The following ARHGAP39 variants were observed in gnomAD, a reference collection of about 807,000 sequenced individuals.
ARHGAP39 encodes the protein Rho GTPase activating protein 39.
ARHGAP39 carries 44 observed loss-of-function variants against 106.9 expected under a neutral mutation model. That is an observed-to-expected ratio of 0.41 (90% CI 0.32 to 0.53). The LOEUF (loss-of-function observed/expected upper bound fraction) is 0.53. ARHGAP39 is among the 20% of genes least tolerant of loss of function. ARHGAP39 has a pLI of 0.21. For synonymous variants in ARHGAP39, 768 were observed against 693.2 expected, an observed-to-expected ratio of 1.11 and a Z score of -1.69; for missense variants, 1,496 against 1,577.3, an observed-to-expected ratio of 0.95 and a Z score of 0.87.
At chr8:144,572,212 C>T (rs1311485910) in intron 3 of ARHGAP39, among the ~76,000 whole-genome samples, 2 of 152,178 alleles carry the variant, frequency 1.3e-5, no homozygotes, top group African/African-American at 2.4e-5. Flanking sequence ...CATCATGCTG[C>T]CTGACTTCAA....
the ARHGAP39 span, among the ~76,000 whole-genome samples, chr8:144,698,015 C>CT: frequency 1.9e-4 from 29 of 152,242 alleles, no homozygotes; most frequent in Non-Finnish European, 3.7e-4. Flanking sequence ...TTAAGCTTCG[C>CT]TATGGTTTGG....
chr8:144,619,446 G>A (rs1262694497), intron 1 of ARHGAP39, among the ~76,000 whole-genome samples: 1 of 151,852 alleles, frequency 6.6e-6, no homozygotes, highest in Non-Finnish European at 1.5e-5. Context: ...GAGACAGCAG[G>A]TATGCTCGTG....
chr8:144,623,643 A>G (rs1820862349), intron 1 of ARHGAP39, among the ~76,000 whole-genome samples: 1 of 152,236 alleles, frequency 6.6e-6, no homozygotes, highest in Non-Finnish European at 1.5e-5. Flanking sequence ...TGGTACAAGA[A>G]GCCTTGCTTT....
At chr8:144,649,664 G>T (rs1821529231) in intron 1 of ARHGAP39, among the ~76,000 whole-genome samples, 1 of 152,056 alleles carries the variant, frequency 6.6e-6, no homozygotes, top group Admixed American at 6.5e-5. Context: ...TAGCTACTCG[G>T]GAGGCTGAAG....
At chr8:144,663,634 C>T (rs1360573086) in intron 1 of ARHGAP39, among the ~76,000 whole-genome samples, 2 of 152,150 alleles carry the variant, frequency 1.3e-5, no homozygotes, top group East Asian at 3.9e-4. Context: ...CCACGCTCAG[C>T]CCCAGGTACC....
chr8:144,673,077 C>T (rs1822139971), intron 1 of ARHGAP39, among the ~76,000 whole-genome samples: 1 of 152,102 alleles, frequency 6.6e-6, no homozygotes, highest in Non-Finnish European at 1.5e-5. Flanking sequence ...ATTAGCTGGG[C>T]ATGGTGACAT....
chr8:144,640,092 C>T (rs1256413669), intron 1 of ARHGAP39, among the ~76,000 whole-genome samples: 1 of 152,174 alleles, frequency 6.6e-6, no homozygotes, highest in African/African-American at 2.4e-5. Flanking sequence ...AAAACCATTT[C>T]TGCCAAAAGC....
chr8:144,673,988 T>A (rs1490101457), intron 1 of ARHGAP39, among the ~76,000 whole-genome samples: 1 of 152,174 alleles, frequency 6.6e-6, no homozygotes, highest in Non-Finnish European at 1.5e-5. Flanking sequence ...TGCAGTGGCA[T>A]CCAGAAGCTT....
intron 3 of ARHGAP39, among the ~76,000 whole-genome samples, chr8:144,574,181 A>AGACGAG (rs112840672): frequency 0.05 from 7,446 of 147,998 alleles, 369 homozygotes; most frequent in African/African-American, 0.12. Flanking sequence ...AAGAAGATGA[A>AGACGAG]GATGAGGAGG....
In ARHGAP39 at chr8:144,557,004, G is replaced by C. The variant is rs1052573921; in HGVS notation, c.513-1361C>G. Among the ~76,000 whole-genome samples, 6 of 142,748 alleles carry C rather than the reference G, an allele frequency of 4.2e-5. 1 individual carries two copies. Among genetic ancestry groups the C allele is most frequent in the South Asian group, 2.1e-4 (1 of 4,694 alleles). 93.6% of individuals were successfully genotyped at this position (142,748 alleles called of 152,430 possible). On this transcript the variant is annotated intron_variant, in intron 3 of 11. Transcript: ENST00000377307. The stretch of plus-strand genomic sequence containing the variant: ...ACCTTCATAGTATTCAGAGGCAAAG[G>C]CTGAACCTTCATAGTATTCAGTGGC...
At chr8:144,642,600 T>G (rs942445538) in intron 1 of ARHGAP39, among the ~76,000 whole-genome samples, 1 of 152,084 alleles carries the variant, frequency 6.6e-6, no homozygotes, top group Non-Finnish European at 1.5e-5. Flanking sequence ...CCACGTGTCA[T>G]GAGAGGGACC....
upstream of ARHGAP39, among the ~76,000 whole-genome samples, chr8:144,685,932 C>T (rs1323087035): frequency 6.6e-6 from 1 of 150,594 alleles, no homozygotes; most frequent in African/African-American, 2.4e-5. Flanking sequence ...CGCCAGGGGG[C>T]ACTGCCTCGC....
intron 3 of ARHGAP39, among the ~76,000 whole-genome samples, chr8:144,575,564 C>A (rs1027900196): frequency 1.3e-5 from 2 of 152,196 alleles, no homozygotes; most frequent in Non-Finnish European, 1.5e-5. Context: ...CCCATTGCCA[C>A]ATGGTGTCCT....
intron 2 of ARHGAP39, among the ~76,000 whole-genome samples, chr8:144,597,421 G>A (rs571083588): frequency 3.9e-5 from 6 of 152,276 alleles, no homozygotes; most frequent in African/African-American, 1.4e-4. Context: ...TGAATCAAAG[G>A]ACTGCAGCTG....
chr8:144,561,835 C>T lies in ARHGAP39; in HGVS notation c.513-6192G>A, dbSNP rs183376278. ...TCCATCACATCCCAGTGGTTTCCAT[C>T]GGGCTCCAGTGGTTTCCATTGGACT... On this transcript the variant is annotated intron_variant, in intron 3 of 11. Transcript: ENST00000377307. 3.2e-4 allele frequency among the ~76,000 whole-genome samples: 48 copies of T among 148,744 alleles called. 2 individuals carry two copies. Among genetic ancestry groups the T allele is most frequent in the African/African-American group, 1.1e-3 (42 of 39,638 alleles).
intron 1 of ARHGAP39, among the ~76,000 whole-genome samples, chr8:144,629,438 C>T (rs1821008023): frequency 6.6e-6 from 1 of 152,172 alleles, no homozygotes; most frequent in African/African-American, 2.4e-5. Context: ...CTGCATGGGC[C>T]CTGGCAGATG....
chr8:144,603,505 A>G (rs569776275), intron 2 of ARHGAP39, among the ~76,000 whole-genome samples: 9 of 152,104 alleles, frequency 5.9e-5, no homozygotes, highest in Non-Finnish European at 1.3e-4. Flanking sequence ...CCTGACCAAC[A>G]TGGTGAAACC....
At chr8:144,685,032 C>T (rs1043635297) in intron 1 of ARHGAP39, among the ~76,000 whole-genome samples, 2 of 152,190 alleles carry the variant, frequency 1.3e-5, no homozygotes, top group Admixed American at 1.3e-4. Context: ...CCCGGGAATG[C>T]GGCCGGTGCC....
Position 144,647,774 on chromosome 8 carries a change from T to C in ARHGAP39, c.-82+37912A>G, listed in dbSNP as rs1393235910. 6.6e-6 allele frequency among the ~76,000 whole-genome samples: 1 copy of C among 152,144 alleles called. No individual in the cohort carries two copies. The highest frequency in any genetic ancestry group is 1.5e-5 in the Non-Finnish European group (1 of 68,016). ...AGGGCAGCTGGAAGCCATGCATGCGTCCACGGGGACCCCAAGAGAGGGAAC... is the reference window on the plus strand; with the variant it reads ...AGGGCAGCTGGAAGCCATGCATGCGCCCACGGGGACCCCAAGAGAGGGAAC... On this transcript the variant is annotated intron_variant, in intron 1 of 11. Transcript: ENST00000377307. This position sits in a 1 kb window ranked among gnomAD's most constrained non-coding sequence, Gnocchi z 4.8.
Sources: gnomAD v4.1 joint callset for allele counts (sites outside exome capture counted in the v4.1 genomes callset) on GRCh38, gnomAD v4.1.1 for gene constraint, Gnocchi (gnomAD v3.1) non-coding constraint, MANE v1.5 for transcripts, NCBI Gene and HGNC (gene_info 2026-07-23, HGNC 2026-07-21) for gene names.